BRIP1: variants seen among roughly 807,000 people sequenced by gnomAD.
The protein encoded by BRIP1 is BRCA1 interacting DNA helicase 1, also known as Fanconi anemia group J protein.
In BRIP1, 88 loss-of-function variants were observed where a neutral mutation model predicts 119.7. The ratio of observed to expected loss-of-function variants is 0.74; its 90% CI spans 0.62 to 0.88. BRIP1 has a LOEUF of 0.88. Among genes scored for constraint, BRIP1 ranks in the 40% least tolerant of loss-of-function variants. The pLI is 0.00. For synonymous variants in BRIP1, 443 were observed against 496.5 expected (o/e 0.89, Z 1.43); for missense variants, 1,259 against 1,455.4 (o/e 0.87, Z 2.20).
chr17:61,835,599 G>A lies in BRIP1; in HGVS notation c.627+11502C>T, dbSNP rs527315800. Among the ~76,000 whole-genome samples, 3 of 152,114 alleles carry A rather than the reference G, an allele frequency of 2.0e-5. No individual in the cohort carries two copies. In the South Asian group the frequency reaches 6.2e-4, roughly 32 times the overall value. On this transcript the variant is annotated intron_variant, in intron 6 of 19. Transcript: ENST00000259008. ...AATTGAAAATTATTTACTTCAGATAGTGGGAATTGGTGAATAATAGAATTA... is the reference window on the plus strand; with the variant it reads ...AATTGAAAATTATTTACTTCAGATAATGGGAATTGGTGAATAATAGAATTA...
In BRIP1 at chr17:61,705,083, C is replaced by T. The variant is rs2061672980; in HGVS notation, c.2492+10868G>A. On this transcript the variant is annotated intron_variant, in intron 17 of 19. Transcript: ENST00000259008. The surrounding 1 kb of genome is among the most constrained non-coding windows in gnomAD (Gnocchi z 5.0). ...TAGGTAGTTTTTCAACCCTTGCTTCCCTCCTTCTCTGCCTCCACTTACATT... is the reference window on the plus strand; with the variant it reads ...TAGGTAGTTTTTCAACCCTTGCTTCTCTCCTTCTCTGCCTCCACTTACATT... 6.6e-6 allele frequency among the ~76,000 whole-genome samples: 1 copy of T among 152,122 alleles called. No individual in the cohort carries two copies. The highest frequency in any genetic ancestry group is 6.6e-5 in the Admixed American group (1 of 15,254).
rs536682453 is a variant in BRIP1 at position 61,697,164 on chromosome 17, T to C, written c.2493-3652A>G. ...TTCAAGATCAGCCTGGCCAACATAG[T>C]GAAACCCCGTCTCTTCTAAAAATGC... On this transcript the variant is annotated intron_variant, in intron 17 of 19. Transcript: ENST00000259008. Among the ~76,000 whole-genome samples, 702 of 150,516 alleles carry C rather than the reference T, an allele frequency of 4.7e-3. 6 individuals are homozygous for C. Among genetic ancestry groups the C allele is most frequent in the African/African-American group, 0.016 (664 of 41,020 alleles).
At chr17:61,732,149 T>C (rs1186855811) in intron 16 of BRIP1, among the ~76,000 whole-genome samples, 1 of 151,744 alleles carries the variant, frequency 6.6e-6, no homozygotes, top group Non-Finnish European at 1.5e-5. Context: ...CCCAGCTAAT[T>C]TGTGTATTTT....
At position 61,680,660 on chromosome 17, in the gene BRIP1, T is replaced by C. The variant is rs915183777; in HGVS notation, c.*2636A>G. Among the ~76,000 whole-genome samples the C allele has an allele frequency of 6.6e-6, 1 of 151,726 alleles. No individual in the cohort carries two copies. The highest frequency in any genetic ancestry group is 2.4e-5 in the African/African-American group (1 of 41,298). On this transcript the variant is annotated 3_prime_UTR_variant, in exon 20 of 20. Transcript: ENST00000259008. Reference sequence around the variant, plus strand: ...ACGCCTGGCTAATTTTTTGTATTTTTAGTAGAGACGGGGTTTCACCGTGTT... The same window carrying C: ...ACGCCTGGCTAATTTTTTGTATTTTCAGTAGAGACGGGGTTTCACCGTGTT...
At position 61,756,032 on chromosome 17, in the gene BRIP1, C is replaced by T. The variant is rs1567791093; in HGVS notation, c.2098-11441G>A. Reference sequence around the variant, plus strand: ...GATTTTTTTTAAAGTACCTTAAAACCTTTTGTTAAGGATTACACAGGGGCT... The same window carrying T: ...GATTTTTTTTAAAGTACCTTAAAACTTTTTGTTAAGGATTACACAGGGGCT... On this transcript the variant is annotated intron_variant, in intron 14 of 19. Transcript: ENST00000259008. The surrounding 1 kb of genome is among the most constrained non-coding windows in gnomAD (Gnocchi z 4.3). Among the ~76,000 whole-genome samples, 1 of 151,830 alleles carries T rather than the reference C, an allele frequency of 6.6e-6. No homozygotes were observed. Among genetic ancestry groups the T allele is most frequent in the South Asian group, 2.1e-4 (1 of 4,810 alleles).
At chr17:61,820,346 TCA>T (rs1490306377) in intron 6 of BRIP1, among the ~76,000 whole-genome samples, 1 of 152,122 alleles carries the variant, frequency 6.6e-6, no homozygotes, top group Non-Finnish European at 1.5e-5. Flanking sequence ...CATACCTGCT[TCA>T]CAATCATGTT....
intron 6 of BRIP1, among the ~76,000 whole-genome samples, chr17:61,813,357 T>G (rs182070490): frequency 6.6e-6 from 1 of 152,226 alleles, no homozygotes; most frequent in Non-Finnish European, 1.5e-5. Context: ...ACAGAAACTA[T>G]GTCTTACATT....
intron 10 of BRIP1, 71 bp from the exon 11 acceptor site, chr17:61,784,495 C>T: frequency 1.5e-6 from 2 of 1,363,798 alleles, no homozygotes; most frequent in Non-Finnish European, 2.1e-6. Context: ...CTCAAAAATA[C>T]AATGAAACCC....
At position 61,693,065 on chromosome 17, in the gene BRIP1, C is replaced by A. The variant is rs2061470633; in HGVS notation, c.2575+365G>T. The stretch of plus-strand genomic sequence containing the variant: ...CATTGAAAAGAAGGAAATCCTGCAA[C>A]ATAGATGAACCTTGAGGACATTATG... On this transcript the variant is annotated intron_variant, in intron 18 of 19. Transcript: ENST00000259008. This position sits in a 1 kb window ranked among gnomAD's most constrained non-coding sequence, Gnocchi z 4.2. Among the ~76,000 whole-genome samples, 1 of 152,124 alleles carries A rather than the reference C, an allele frequency of 6.6e-6. No individual in the cohort carries two copies. The highest frequency in any genetic ancestry group is 1.5e-5 in the Non-Finnish European group (1 of 68,024).
chr17:61,688,346 T>C (rs1331690255), intron 18 of BRIP1, among the ~76,000 whole-genome samples: 2 of 152,080 alleles, frequency 1.3e-5, no homozygotes, highest in Non-Finnish European at 2.9e-5. Flanking sequence ...CTGGGTATAG[T>C]GGTGTACACC....
In BRIP1 at chr17:61,691,749, C is replaced by T. The variant is rs148317336; in HGVS notation, c.2575+1681G>A. 7.2e-5 allele frequency among the ~76,000 whole-genome samples: 11 copies of T among 152,214 alleles called. No individual in the cohort carries two copies. In the East Asian group the frequency reaches 1.2e-3, roughly 16 times the overall value. ...GATTACAGGCGTGAGCCACCATGCCCGGCTGCAATCTAAATTCATATGGAA... is the reference window on the plus strand; with the variant it reads ...GATTACAGGCGTGAGCCACCATGCCTGGCTGCAATCTAAATTCATATGGAA... On this transcript the variant is annotated intron_variant, in intron 18 of 19. Transcript: ENST00000259008. This position sits in a 1 kb window ranked among gnomAD's most constrained non-coding sequence, Gnocchi z 5.0.
rs912333461 is a variant in BRIP1 at position 61,739,945 on chromosome 17, T to C, written c.2379+3068A>G. ...GAGATACAACTGTTTCTGGCCAAGA[T>C]TGAGTAACTGGTTTAAGAATATTTC... On this transcript the variant is annotated intron_variant, in intron 16 of 19. Transcript: ENST00000259008. This position sits in a 1 kb window ranked among gnomAD's most constrained non-coding sequence, Gnocchi z 6.0. Among the ~76,000 whole-genome samples the C allele has an allele frequency of 5.9e-5, 9 of 152,142 alleles. No homozygotes were observed. The highest frequency in any genetic ancestry group is 1.9e-4 in the African/African-American group (8 of 41,434).
Position 61,789,169 on chromosome 17 carries a change from T to C in BRIP1, c.1473+4428A>G, listed in dbSNP as rs2077778156. Among the ~76,000 whole-genome samples the C allele has an allele frequency of 6.6e-6, 1 of 151,928 alleles. No homozygotes were observed. The highest frequency in any genetic ancestry group is 6.6e-5 in the Admixed American group (1 of 15,240). ...GTAGTCCCAGCTACTGAGCAGGCTA[T>C]GGCAGGAGGATCCCTTAAGACCAGA... On this transcript the variant is annotated intron_variant, in intron 10 of 19. Coordinates refer to ENST00000259008, the MANE Select transcript of BRIP1 (RefSeq NM_032043.3). This position sits in a 1 kb window ranked among gnomAD's most constrained non-coding sequence, Gnocchi z 4.8.
intron 17 of BRIP1, among the ~76,000 whole-genome samples, chr17:61,697,718 T>C (rs1187150126): frequency 6.6e-6 from 1 of 152,102 alleles, no homozygotes; most frequent in Non-Finnish European, 1.5e-5. Flanking sequence ...GCTTTGGGTT[T>C]AGTTTGCTCT....
At chr17:61,786,822 ATATATTT>A (rs2077718628) in intron 10 of BRIP1, among the ~76,000 whole-genome samples, 1 of 127,154 alleles carries the variant, frequency 7.9e-6, no homozygotes, top group African/African-American at 3.0e-5. Context: ...TTTTATATAA[ATATATTT>A]TATATAATAT....
chr17:61,735,915 G>A lies in BRIP1; in HGVS notation c.2379+7098C>T, dbSNP rs1471048591. 1.3e-5 allele frequency among the ~76,000 whole-genome samples: 2 copies of A among 152,142 alleles called. No homozygotes were observed. The highest frequency in any genetic ancestry group is 2.9e-5 in the Non-Finnish European group (2 of 68,028). On this transcript the variant is annotated intron_variant, in intron 16 of 19. Coordinates refer to ENST00000259008, the MANE Select transcript of BRIP1 (RefSeq NM_032043.3). The surrounding 1 kb of genome is among the most constrained non-coding windows in gnomAD (Gnocchi z 4.4). Reference sequence around the variant, plus strand: ...ACACAACCTGGCCAACACTCTGATTGCAGCAGTTTTGTGGAACCCTGACCC... The same window carrying A: ...ACACAACCTGGCCAACACTCTGATTACAGCAGTTTTGTGGAACCCTGACCC...
At chr17:61,830,810 TAA>T (rs2145616753) in intron 6 of BRIP1, among the ~76,000 whole-genome samples, 1 of 152,258 alleles carries the variant, frequency 6.6e-6, no homozygotes, top group South Asian at 2.1e-4. Flanking sequence ...CAAAGCCAGA[TAA>T]AGACATTACA....
chr17:61,767,216 T>C lies in BRIP1; in HGVS notation c.2097+9185A>G. On this transcript the variant is annotated intron_variant, in intron 14 of 19. Coordinates refer to ENST00000259008, the MANE Select transcript of BRIP1 (RefSeq NM_032043.3). This position sits in a 1 kb window ranked among gnomAD's most constrained non-coding sequence, Gnocchi z 5.7. The stretch of plus-strand genomic sequence containing the variant: ...CAATTATCTAGTACAGGAAGAAAAC[T>C]GGCCATTAAATATAAGGGGGAAGAA... Among the ~76,000 whole-genome samples the C allele has an allele frequency of 6.6e-6, 1 of 152,156 alleles. No homozygotes were observed. The highest frequency in any genetic ancestry group is 1.5e-5 in the Non-Finnish European group (1 of 68,034).
rs2078091232 is a variant in BRIP1 at position 61,807,499 on chromosome 17, G to A, written c.918+968C>T. ...TATCTTTTGACCATCCCTAAATAAA[G>A]TTTAAATAAATTTTCATCTATAAAA... On this transcript the variant is annotated intron_variant, in intron 7 of 19. Coordinates refer to ENST00000259008, the MANE Select transcript of BRIP1 (RefSeq NM_032043.3). The surrounding 1 kb of genome is among the most constrained non-coding windows in gnomAD (Gnocchi z 4.5). Among the ~76,000 whole-genome samples the A allele has an allele frequency of 6.6e-6, 1 of 151,848 alleles. No individual in the cohort carries two copies. Among genetic ancestry groups the A allele is most frequent in the African/African-American group, 2.4e-5 (1 of 41,302 alleles).
Sources: allele counts gnomAD v4.1 joint callset (sites outside exome capture counted in the v4.1 genomes callset), GRCh38; gene constraint gnomAD v4.1.1; non-coding constraint Gnocchi (gnomAD v3.1); transcripts MANE v1.5; gene names NCBI Gene and HGNC (gene_info 2026-07-23, HGNC 2026-07-21).